Variants in CCDC13 observed in about 807,000 individuals in gnomAD.
CCDC13 encodes coiled-coil domain containing 13, also known as coiled-coil domain-containing protein 13.
A neutral mutation model predicts 87.3 loss-of-function variants in CCDC13; 70 were observed. That is an observed-to-expected ratio of 0.80 (90% CI 0.66 to 0.98). The LOEUF (loss-of-function observed/expected upper bound fraction) is 0.98, where lower values mean the gene tolerates loss of function less well. CCDC13 is among the 50% of genes least tolerant of loss of function. CCDC13 has a pLI of 0.00. For missense variants in CCDC13, 842 were observed against 892.0 expected (o/e 0.94, Z 0.71); for synonymous variants, 317 against 360.3 (o/e 0.88, Z 1.36).
At chr3:42,726,709 CAT>C (rs1270152007) in intron 13 of CCDC13, among the ~76,000 whole-genome samples, 3 of 149,030 alleles carry the variant, frequency 2.0e-5, no homozygotes, top group African/African-American at 7.4e-5. Context: ...AATATACACA[CAT>C]ATTTACATGT....
chr3:42,724,966 A>G (rs996099603), intron 13 of CCDC13, among the ~76,000 whole-genome samples: 1 of 152,170 alleles, frequency 6.6e-6, no homozygotes, highest in Non-Finnish European at 1.5e-5. Context: ...TATATGATAC[A>G]TAAAGTGTTC....
At position 42,730,481 on chromosome 3, in the gene CCDC13, A is replaced by G. The variant is rs1698798151; in HGVS notation, c.1704T>C (p.Thr568=). The part of the protein sequence containing the change: ...VERDRLTEFV[T]VLQKRVEESN... ...CCATGTGTTACCGTTTCTGCAGGAC[A>G]GTGACAAACTCGGTGAGCCGGTCAC... Residue 568 remains threonine, a synonymous_variant, in exon 13 of 16, where the codon ACT becomes ACC. Transcript: ENST00000310232. 1 of 1,613,874 alleles carries G rather than the reference A, an allele frequency of 6.2e-7. No individual in the cohort carries two copies. Among genetic ancestry groups the G allele is most frequent in the Non-Finnish European group, 8.5e-7 (1 of 1,179,868 alleles).
chr3:42,739,680 A>G lies in CCDC13; in HGVS notation c.1118T>C (p.Leu373Pro). The change falls in exon 9 of 16, where the codon CTG becomes CCG. Residue 373 changes from leucine to proline, a missense_variant. Leu to Pro is a moderately conservative substitution (Grantham distance 98). Transcript: ENST00000310232. ...MKTLKSQMGT[L>P]VEKGRHDDEL... ...GTCATCATGCCGGCCCTTCTCCACC[A>G]GGGTTCCCATCTGACTCTTGAGGGT... is the stretch of plus-strand genomic sequence containing the variant. 1 of 1,614,182 alleles carries G rather than the reference A, an allele frequency of 6.2e-7. No homozygotes were observed.
In CCDC13 at chr3:42,713,139, G is replaced by A. The variant is rs1315009005; in HGVS notation, c.1873+23C>T. 18 of 1,610,126 alleles carry A rather than the reference G, an allele frequency of 1.1e-5. No individual in the cohort carries two copies. In the South Asian group the frequency reaches 1.9e-4, roughly 17 times the overall value. On this transcript the variant is annotated intron_variant, in intron 14 of 15. Transcript: ENST00000310232. ...CAACACTGCCTCCACCCCCTGCACTGAGACTACTGCCCTGGCCCCTACCTG... is the reference window on the plus strand; with the variant it reads ...CAACACTGCCTCCACCCCCTGCACTAAGACTACTGCCCTGGCCCCTACCTG...
At chr3:42,743,196 AG>A (rs748586126) in intron 7 of CCDC13, 139 bp from the exon 8 acceptor site, 10 of 873,872 alleles carry the variant, frequency 1.1e-5, no homozygotes, top group Non-Finnish European at 1.6e-5. Context: ...GAGGAGGACT[AG>A]GGGTGGGGGA....
At chr3:42,761,761 A>G (rs915867364) in intron 1 of CCDC13, among the ~76,000 whole-genome samples, 1 of 152,044 alleles carries the variant, frequency 6.6e-6, no homozygotes. Context: ...GTGTCCTTCT[A>G]GCCTGTTTTC....
chr3:42,771,433 C>T (rs1026865472), intron 1 of CCDC13, among the ~76,000 whole-genome samples: 3 of 152,070 alleles, frequency 2.0e-5, no homozygotes, highest in Non-Finnish European at 2.9e-5. Flanking sequence ...ACACATTTAG[C>T]AAAACTTGTA....
chr3:42,717,271 C>G (rs1468123054), intron 13 of CCDC13, among the ~76,000 whole-genome samples: 1 of 151,636 alleles, frequency 6.6e-6, no homozygotes, highest in African/African-American at 2.4e-5. Context: ...ACTAAAAATA[C>G]AAAAATTAGC....
chr3:42,747,702 G>A (rs1216274919), intron 5 of CCDC13, among the ~76,000 whole-genome samples: 1 of 152,194 alleles, frequency 6.6e-6, no homozygotes, highest in Non-Finnish European at 1.5e-5. Context: ...CCTTACCCTA[G>A]AGGTGAAGCA....
At chr3:42,737,009 AC>A (rs1483492318) in intron 9 of CCDC13, among the ~76,000 whole-genome samples, 3 of 152,096 alleles carry the variant, frequency 2.0e-5, no homozygotes, top group African/African-American at 7.2e-5. Context: ...GGTTTGCTGC[AC>A]CCATCAACTC....
intron 7 of CCDC13, among the ~76,000 whole-genome samples, chr3:42,743,658 A>AATATAT (rs539369504): frequency 7.1e-6 from 1 of 140,378 alleles, no homozygotes. Flanking sequence ...TATAAATATA[A>AATATAT]ATATATATAT....
Position 42,709,128 on chromosome 3 carries a change from T to G in CCDC13, c.2000A>C (p.Gln667Pro), listed in dbSNP as rs1284334493. ...MEELTTRLAI[Q>P]VEENEMLKAA... Reference sequence around the variant, plus strand: ...CTTTAGCATTTCATTCTCCTCCACCTGGATGGCCAGCCTGGACCACAGGAG... The same window carrying G: ...CTTTAGCATTTCATTCTCCTCCACCGGGATGGCCAGCCTGGACCACAGGAG... Residue 667 changes from glutamine to proline, a missense_variant, in exon 16 of 16, where the codon CAG becomes CCG. Physicochemically the swap from Gln to Pro is moderately conservative, Grantham distance 76. Coordinates refer to ENST00000310232, the MANE Select transcript of CCDC13 (RefSeq NM_144719.4). 3 of 1,611,286 alleles carry G rather than the reference T, an allele frequency of 1.9e-6. No homozygotes were observed. In the South Asian group the frequency reaches 3.3e-5, roughly 18 times the overall value.
Position 42,735,855 on chromosome 3 carries a change from G to A in CCDC13, c.1223C>T (p.Thr408Met), listed in dbSNP as rs148765643. Reference protein sequence around the residue: ...LGSLSLQEEKTRVSQHHLDQQ... With the variant: ...LGSLSLQEEKMRVSQHHLDQQ... ...GTCCAGGTGGTGCTGGGACACTCGC[G>A]TTTTCTCCTCCTGCAGACTCAGGCT... The change falls in exon 10 of 16, where the codon ACG becomes ATG. Residue 408 changes from threonine to methionine, a missense_variant. Transcript: ENST00000310232. The A allele has an allele frequency of 3.0e-4, 492 of 1,614,210 alleles. No homozygotes were observed. The Middle Eastern group carries it at 5.1e-3, about 17-fold the overall frequency.
chr3:42,745,629 G>GAA, intron 7 of CCDC13: 26 of 229,896 alleles, frequency 1.1e-4, no homozygotes, highest in East Asian at 2.6e-4. Flanking sequence ...CATAAACTAA[G>GAA]AAAAAAAAAA....
At chr3:42,761,363 G>A (rs1043193177) in intron 1 of CCDC13, among the ~76,000 whole-genome samples, 4 of 152,032 alleles carry the variant, frequency 2.6e-5, no homozygotes, top group African/African-American at 9.7e-5. Flanking sequence ...TATCACAGAG[G>A]TCTCCTCATA....
At chr3:42,724,144 A>G (rs1698632022) in intron 13 of CCDC13, among the ~76,000 whole-genome samples, 1 of 152,200 alleles carries the variant, frequency 6.6e-6, no homozygotes, top group South Asian at 2.1e-4. Context: ...GAAATAATAA[A>G]CCAACAGCAA....
chr3:42,772,714 G>A (rs140155412), intron 1 of CCDC13, among the ~76,000 whole-genome samples: 2,489 of 152,238 alleles, frequency 0.016, 81 homozygotes, highest in African/African-American at 0.055. Flanking sequence ...TCCGGGCTTG[G>A]AGGGGAACTC....
At position 42,709,668 on chromosome 3, in the gene CCDC13, C is replaced by A. The variant is rs369623561; in HGVS notation, c.1988+16G>T. ...AGACAACCCTACCCTTTCAGGAAGGCGGGGCAGGGGAGCACCTGGTTGTCA... is the reference window on the plus strand; with the variant it reads ...AGACAACCCTACCCTTTCAGGAAGGAGGGGCAGGGGAGCACCTGGTTGTCA... On this transcript the variant is annotated intron_variant, in intron 15 of 15. Coordinates refer to ENST00000310232, the MANE Select transcript of CCDC13 (RefSeq NM_144719.4). The A allele has an allele frequency of 6.3e-7, 1 of 1,599,222 alleles. No individual in the cohort carries two copies. The highest frequency in any genetic ancestry group is 8.6e-7 in the Non-Finnish European group (1 of 1,166,668).
chr3:42,743,871 C>A (rs1364457483), intron 7 of CCDC13, among the ~76,000 whole-genome samples: 2 of 151,904 alleles, frequency 1.3e-5, no homozygotes, highest in Non-Finnish European at 2.9e-5. Flanking sequence ...GAGGGGAAGG[C>A]AGGGTTTGGA....
Sources: gnomAD v4.1 joint callset for allele counts (sites outside exome capture counted in the v4.1 genomes callset) on GRCh38, gnomAD v4.1.1 for gene constraint, MANE v1.5 for transcripts, NCBI Gene and HGNC (gene_info 2026-07-23, HGNC 2026-07-21) for gene names.